The following PCDHA2 variants were observed in gnomAD, a reference collection of about 807,000 sequenced individuals.
PCDHA2 encodes protocadherin alpha-2.
Under a neutral mutation model 66.0 loss-of-function variants are expected in PCDHA2, and 58 were observed. The observed-to-expected ratio is 0.88, with a 90% CI of 0.71 to 1.09. The LOEUF (loss-of-function observed/expected upper bound fraction) is 1.09. Ranked by LOEUF, PCDHA2 falls within the 50% of genes least tolerant of loss-of-function variation. The pLI is 0.00. For synonymous variants in PCDHA2, 634 were observed against 554.0 expected (o/e 1.14, Z -2.03); for missense variants, 1,267 against 1,242.3 (o/e 1.02, Z -0.30).
chr5:140,952,658 C>T (rs2094779074), intron 1 of PCDHA2, among the ~76,000 whole-genome samples: 1 of 152,196 alleles, frequency 6.6e-6, no homozygotes. Flanking sequence ...TACCCAGTTC[C>T]AAAGTCACTT....
intron 1 of PCDHA2, chr5:140,829,676 G>T (rs1770484799): frequency 2.5e-6 from 4 of 1,613,004 alleles, no homozygotes; most frequent in Admixed American, 1.7e-5. Context: ...CGAGGAGCTA[G>T]AGCTGCTGCA....
intron 1 of PCDHA2, chr5:140,882,570 A>G (rs1562776435): frequency 6.2e-7 from 1 of 1,614,240 alleles, no homozygotes. Flanking sequence ...CGGAGCGCGG[A>G]GTGCAGCATC....
chr5:140,882,972 T>C, intron 1 of PCDHA2: 1 of 1,614,190 alleles, frequency 6.2e-7, no homozygotes, highest in Non-Finnish European at 8.5e-7. Context: ...ATTCTGGACG[T>C]GAATGACAAC....
At chr5:140,803,496 A>G in intron 1 of PCDHA2, 2 of 1,614,224 alleles carry the variant, frequency 1.2e-6, no homozygotes, top group Non-Finnish European at 1.7e-6. Context: ...GTTGCCCAAG[A>G]CCGACCTCAT....
In PCDHA2 at chr5:140,848,677, C is replaced by A. The variant is rs142354028; in HGVS notation, c.2388+51325C>A. 4.6e-4 allele frequency: 738 copies of A among 1,592,248 alleles called. 63 individuals carry two copies. The East Asian group carries it at 6.0e-3, about 13-fold the overall frequency. ...GGGCTGGAGCTGGCGGAGCTGGTGC[C>A]GCGCCTGTTCCAGTTGGATTCCAAA... On this transcript the variant is annotated intron_variant, in intron 1 of 3. Transcript: ENST00000526136.
chr5:140,818,573 A>C (rs1766388565), intron 1 of PCDHA2, among the ~76,000 whole-genome samples: 1 of 152,236 alleles, frequency 6.6e-6, no homozygotes, highest in Non-Finnish European at 1.5e-5. Context: ...ATGGTGGCTC[A>C]TGCCTATAAT....
chr5:140,927,826 G>A (rs782694866), intron 1 of PCDHA2: 1 of 1,614,194 alleles, frequency 6.2e-7, no homozygotes, highest in Middle Eastern at 1.6e-4. Context: ...ATACATTGAG[G>A]CGAGGGACGA....
chr5:140,928,801 G>C, intron 1 of PCDHA2: 1 of 1,614,184 alleles, frequency 6.2e-7, no homozygotes, highest in Non-Finnish European at 8.5e-7. Context: ...GGTGGTGGTA[G>C]TGGTTCGGGA....
At chr5:140,859,573 C>T (rs1254151950) in intron 1 of PCDHA2, 4 of 174,136 alleles carry the variant, frequency 2.3e-5, no homozygotes, top group African/African-American at 9.5e-5. Flanking sequence ...ATGAATTTGT[C>T]ATCTTGCCTA....
chr5:140,799,868 C>T (rs912181689), intron 1 of PCDHA2, among the ~76,000 whole-genome samples: 2 of 151,902 alleles, frequency 1.3e-5, no homozygotes, highest in East Asian at 1.9e-4. Context: ...TAAATTTGAC[C>T]TCTTTCCATA....
At chr5:140,884,179 G>A in intron 1 of PCDHA2, 3 of 1,613,460 alleles carry the variant, frequency 1.9e-6, no homozygotes, top group Non-Finnish European at 1.7e-6. Context: ...CGCGCCCTCT[G>A]GACGAGGTGG....
At chr5:140,803,057 C>A in intron 1 of PCDHA2, 1 of 1,614,002 alleles carries the variant, frequency 6.2e-7, no homozygotes, top group Non-Finnish European at 8.5e-7. Flanking sequence ...GTGCGCGCAT[C>A]CCGTTTCGCG....
At chr5:140,870,401 C>A in intron 1 of PCDHA2, 1 of 1,614,252 alleles carries the variant, frequency 6.2e-7, no homozygotes, top group Non-Finnish European at 8.5e-7. Context: ...GGTTCGCCTT[C>A]TCTGTGGGCC....
intron 1 of PCDHA2, chr5:140,803,257 CG>C: frequency 6.2e-7 from 1 of 1,613,906 alleles, no homozygotes; most frequent in Non-Finnish European, 8.5e-7. Context: ...GCTGGCGCCA[CG>C]GGCCCGGAAG....
At chr5:140,835,591 A>T (rs2150238905) in intron 1 of PCDHA2, 2 of 1,613,686 alleles carry the variant, frequency 1.2e-6, no homozygotes, top group African/African-American at 2.7e-5. Flanking sequence ...ACCTTCAAGA[A>T]TTACTATTCA....
intron 1 of PCDHA2, chr5:140,842,837 A>G: frequency 6.3e-7 from 1 of 1,593,660 alleles, no homozygotes; most frequent in South Asian, 1.1e-5. Context: ...CTCGCTGTCG[A>G]GCTACATTTC....
At chr5:140,904,570 G>T (rs1377408350) in intron 1 of PCDHA2, among the ~76,000 whole-genome samples, 1 of 151,378 alleles carries the variant, frequency 6.6e-6, no homozygotes, top group African/African-American at 2.4e-5. Context: ...TTTTCCTCTG[G>T]GTAGACACCC....
chr5:140,870,500 A>G, intron 1 of PCDHA2: 2 of 1,614,228 alleles, frequency 1.2e-6, no homozygotes, highest in East Asian at 2.2e-5. Flanking sequence ...GTGAAGGAGA[A>G]CAACCCACCA....
intron 1 of PCDHA2, among the ~76,000 whole-genome samples, chr5:140,897,219 C>T (rs1169975962): frequency 1.1e-4 from 17 of 152,004 alleles, no homozygotes; most frequent in Admixed American, 1.1e-3. Flanking sequence ...TTTTAGGGTA[C>T]ATGTGCACAA....
Sources: gnomAD v4.1 joint callset for allele counts (sites outside exome capture counted in the v4.1 genomes callset) on GRCh38, gnomAD v4.1.1 for gene constraint, MANE v1.5 for transcripts, NCBI Gene and HGNC (gene_info 2026-07-23, HGNC 2026-07-21) for gene names.